SORCS2: variants seen among roughly 807,000 people sequenced by gnomAD.
SORCS2 encodes VPS10 domain-containing receptor SorCS2.
In SORCS2, 100 loss-of-function variants were observed where a neutral mutation model predicts 141.6. The ratio of observed to expected loss-of-function variants is 0.71; its 90% CI spans 0.60 to 0.83. The LOEUF (loss-of-function observed/expected upper bound fraction) is 0.83, where lower values mean the gene tolerates loss of function less well. SORCS2 is among the 40% of genes least tolerant of loss of function. SORCS2 has a pLI of 0.00. For missense variants in SORCS2, 1,646 were observed against 1,560.2 expected (o/e 1.05, Z -0.93); for synonymous variants, 789 against 676.9 (o/e 1.17, Z -2.57).
At chr4:7,455,456 GTTGGGGTCAGGTGCTGTA>G (rs1186891468) in intron 2 of SORCS2, among the ~76,000 whole-genome samples, 87 of 141,942 alleles carry the variant, frequency 6.1e-4, no homozygotes, top group Middle Eastern at 3.9e-3. Flanking sequence ...GGAGCTGTGT[GTTGGGGTCAGGTGCTGTA>G]TTGGGGTCAG....
At chr4:7,401,405 T>A (rs998306049) in intron 2 of SORCS2, among the ~76,000 whole-genome samples, 3 of 152,052 alleles carry the variant, frequency 2.0e-5, no homozygotes, top group African/African-American at 7.2e-5. Flanking sequence ...TGATGTGGTT[T>A]TTGGGAAACA....
At chr4:7,504,619 A>T (rs563988728) in intron 2 of SORCS2, among the ~76,000 whole-genome samples, 2 of 152,330 alleles carry the variant, frequency 1.3e-5, no homozygotes, top group African/African-American at 4.8e-5. Context: ...CTTCCCAGCC[A>T]TGTGGCCTGG....
chr4:7,356,818 A>G (rs1380450754), intron 1 of SORCS2, among the ~76,000 whole-genome samples: 4 of 152,152 alleles, frequency 2.6e-5, no homozygotes, highest in Non-Finnish European at 5.9e-5. Flanking sequence ...ATGAATGAAC[A>G]CGTTGATGAA....
chr4:7,446,280 C>T (rs571853957), intron 2 of SORCS2, among the ~76,000 whole-genome samples: 1 of 152,162 alleles, frequency 6.6e-6, no homozygotes, highest in Non-Finnish European at 1.5e-5. Flanking sequence ...CACAAGCACT[C>T]GGCCCTATGC....
chr4:7,613,654 T>C (rs1270937053), intron 3 of SORCS2, among the ~76,000 whole-genome samples: 1 of 152,140 alleles, frequency 6.6e-6, no homozygotes, highest in African/African-American at 2.4e-5. Flanking sequence ...TCTCCCACAC[T>C]GGACAACCGA....
chr4:7,547,870 C>T (rs545129735), intron 3 of SORCS2, among the ~76,000 whole-genome samples: 13 of 152,332 alleles, frequency 8.5e-5, no homozygotes, highest in African/African-American at 2.9e-4. Flanking sequence ...TCAATTTGAA[C>T]AAACAAACGC....
chr4:7,450,680 C>T (rs1296013231), intron 2 of SORCS2, among the ~76,000 whole-genome samples: 1 of 152,232 alleles, frequency 6.6e-6, no homozygotes, highest in Non-Finnish European at 1.5e-5. Flanking sequence ...TGTACATCCG[C>T]AGCAGACTGA....
intron 3 of SORCS2, among the ~76,000 whole-genome samples, chr4:7,623,284 G>C (rs1719321833): frequency 6.6e-6 from 1 of 152,048 alleles, no homozygotes; most frequent in Admixed American, 6.5e-5. Flanking sequence ...CTGGTGCCTG[G>C]AGACATCCAT....
intron 1 of SORCS2, among the ~76,000 whole-genome samples, chr4:7,255,858 GC>G (rs1713825374): frequency 3.3e-4 from 3 of 9,124 alleles, no homozygotes; most frequent in Admixed American, 2.0e-3. Flanking sequence ...GGGACCCGGG[GC>G]TGGAGCGTGG....
chr4:7,661,598 C>G, intron 6 of SORCS2, 34 bp downstream of exon 6: 1 of 1,546,778 alleles, frequency 6.5e-7, no homozygotes, highest in Non-Finnish European at 8.7e-7. Context: ...CCGGGTATCC[C>G]TGAGTCACCT....
In SORCS2 at chr4:7,706,686, G is replaced by T. The variant is rs528793351; in HGVS notation, c.1868+2402G>T. On this transcript the variant is annotated intron_variant, in intron 14 of 26. Coordinates refer to ENST00000507866, the MANE Select transcript of SORCS2 (RefSeq NM_020777.3). ...AGGGATGAGGCTGGGCTCCTCCTGGGCAGGGATGAGGCTGGGCTCTGCCTG... is the reference window on the plus strand; with the variant it reads ...AGGGATGAGGCTGGGCTCCTCCTGGTCAGGGATGAGGCTGGGCTCTGCCTG... 5.8e-3 allele frequency among the ~76,000 whole-genome samples: 818 copies of T among 142,238 alleles called. 30 individuals carry two copies. Among genetic ancestry groups the T allele is most frequent in the Middle Eastern group, 0.026 (7 of 266 alleles). 93.3% of individuals were successfully genotyped at this position (142,238 alleles called of 152,430 possible). A position where few individuals can be genotyped will look rare whatever the true frequency, so the allele number is the denominator to read the frequency against.
chr4:7,284,253 T>G (rs1207379296), intron 1 of SORCS2, among the ~76,000 whole-genome samples: 1 of 152,172 alleles, frequency 6.6e-6, no homozygotes, highest in African/African-American at 2.4e-5. Flanking sequence ...AGTTGTTTCT[T>G]TCTCCAGAGT....
chr4:7,195,933 T>C (rs532693716), intron 1 of SORCS2, among the ~76,000 whole-genome samples: 1 of 152,368 alleles, frequency 6.6e-6, no homozygotes, highest in African/African-American at 2.4e-5. Context: ...GCGTGTTTAC[T>C]TTACCATATC....
chr4:7,593,825 T>G (rs1717077330), intron 3 of SORCS2, among the ~76,000 whole-genome samples: 1 of 152,156 alleles, frequency 6.6e-6, no homozygotes, highest in Admixed American at 6.5e-5. Context: ...TCATTATGGT[T>G]AAACTCATCA....
At chr4:7,651,417 G>T (rs886368) in intron 4 of SORCS2, among the ~76,000 whole-genome samples, 19,868 of 152,120 alleles carry the variant, frequency 0.13, 3,238 homozygotes, top group African/African-American at 0.38. Flanking sequence ...TAAGAGATTG[G>T]CCTGGCCACT....
At chr4:7,434,238 C>G in intron 2 of SORCS2, 2 of 1,613,592 alleles carry the variant, frequency 1.2e-6, no homozygotes, top group Non-Finnish European at 8.5e-7. Context: ...GCCCCAAGGA[C>G]TCACACTGCT....
chr4:7,389,883 C>T (rs1723747683), intron 1 of SORCS2, among the ~76,000 whole-genome samples: 1 of 152,128 alleles, frequency 6.6e-6, no homozygotes, highest in Non-Finnish European at 1.5e-5. Flanking sequence ...GGAGCCCCGG[C>T]TTCCTGATGA....
At chr4:7,558,941 G>T (rs1714332060) in intron 3 of SORCS2, among the ~76,000 whole-genome samples, 1 of 152,182 alleles carries the variant, frequency 6.6e-6, no homozygotes, top group Non-Finnish European at 1.5e-5. Context: ...CCTGTGCCCT[G>T]CCCTGTCTGC....
intron 14 of SORCS2, among the ~76,000 whole-genome samples, chr4:7,712,123 TC>T (rs1355624178): frequency 6.6e-6 from 1 of 152,038 alleles, no homozygotes; most frequent in Non-Finnish European, 1.5e-5. Context: ...TTCCGCCTCT[TC>T]CCCCACCCAC....
Sources: allele counts gnomAD v4.1 joint callset (sites outside exome capture counted in the v4.1 genomes callset), GRCh38; gene constraint gnomAD v4.1.1; transcripts MANE v1.5; gene names NCBI Gene and HGNC (gene_info 2026-07-23, HGNC 2026-07-21).